Variants in ARHGEF3 observed in about 807,000 individuals in gnomAD.
ARHGEF3 encodes Rho guanine nucleotide exchange factor 3, also known as 59.8 kDA protein.
A neutral mutation model predicts 63.2 loss-of-function variants in ARHGEF3; 28 were observed. The observed-to-expected ratio is 0.44, with a 90% CI of 0.33 to 0.61. ARHGEF3 has a LOEUF of 0.61. ARHGEF3 is among the 20% of genes least tolerant of loss of function. The probability of loss-of-function intolerance (pLI) is 0.03; values close to 1 mark genes in which losing one functional copy is unlikely to be tolerated. For synonymous variants in ARHGEF3, 266 were observed against 254.2 expected, an observed-to-expected ratio of 1.05 and a Z score of -0.44; for missense variants, 533 against 659.3, an observed-to-expected ratio of 0.81 and a Z score of 2.10.
chr3:57,019,825 ATCTTT>A (rs1489794775), intron 2 of ARHGEF3, among the ~76,000 whole-genome samples: 2 of 152,136 alleles, frequency 1.3e-5, no homozygotes, highest in Admixed American at 1.3e-4. Flanking sequence ...GCTTGGGGAA[ATCTTT>A]TCTTTAATAA....
intron 2 of ARHGEF3, among the ~76,000 whole-genome samples, chr3:56,994,523 C>A (rs1050755500): frequency 6.6e-6 from 1 of 151,458 alleles, no homozygotes; most frequent in Non-Finnish European, 1.5e-5. Flanking sequence ...AGAGTTTCAA[C>A]AGCCCTCTTG....
intron 2 of ARHGEF3, among the ~76,000 whole-genome samples, chr3:57,029,180 C>T (rs1703618877): frequency 6.6e-6 from 1 of 152,194 alleles, no homozygotes; most frequent in Non-Finnish European, 1.5e-5. Flanking sequence ...CCTGCAATCC[C>T]ACTACTTTGG....
intron 2 of ARHGEF3, among the ~76,000 whole-genome samples, chr3:57,012,282 G>T (rs1702735538): frequency 6.6e-6 from 1 of 152,088 alleles, no homozygotes; most frequent in South Asian, 2.1e-4. Context: ...GTTGTTTTGA[G>T]ACAGGGTCTC....
At chr3:56,786,328 A>T (rs10428123) in intron 1 of ARHGEF3, among the ~76,000 whole-genome samples, 31,372 of 152,138 alleles carry the variant, frequency 0.21, 5,065 homozygotes, top group African/African-American at 0.46. Flanking sequence ...GATAAATAAG[A>T]TACAAAGCAT....
In ARHGEF3 at chr3:56,995,620, C is replaced by CGAGAGAGAGAGAGAGA. The variant is rs66778716; in HGVS notation, c.63-36747_63-36732dup. On this transcript the variant is annotated intron_variant, in intron 2 of 12. Transcript: ENST00000338458. ...AGGGGGCAAAAGAGAGTAAATTTTC[C>CGAGAGAGAGAGAGAGA]GAGAGAGAGAGAGAGAGAGAGAGAG... is the stretch of plus-strand genomic sequence containing the variant. Among the ~76,000 whole-genome samples the CGAGAGAGAGAGAGAGA allele has an allele frequency of 2.9e-3, 332 of 113,168 alleles. 4 individuals carry two copies. The highest frequency in any genetic ancestry group is 3.9e-3 in the South Asian group (13 of 3,318). 74.2% of individuals were successfully genotyped at this position (113,168 alleles called of 152,430 possible).
intron 2 of ARHGEF3, among the ~76,000 whole-genome samples, chr3:56,996,264 C>T (rs1397751060): frequency 6.6e-6 from 1 of 152,174 alleles, no homozygotes; most frequent in Non-Finnish European, 1.5e-5. Flanking sequence ...ACCCCCTCCT[C>T]TCCTGTCTAT....
At chr3:56,775,891 C>T (rs1339948607) in intron 1 of ARHGEF3, among the ~76,000 whole-genome samples, 3 of 152,130 alleles carry the variant, frequency 2.0e-5, no homozygotes, top group Admixed American at 1.3e-4. Flanking sequence ...AGGTTGGTGG[C>T]ACAAACTGCA....
chr3:56,750,927 T>G, intron 6 of ARHGEF3, 129 bp downstream of exon 6: 1 of 595,270 alleles, frequency 1.7e-6, no homozygotes. Context: ...TTACTAGGAT[T>G]TTTTTTTCTG....
intron 4 of ARHGEF3, among the ~76,000 whole-genome samples, chr3:56,864,886 A>G (rs1348564360): frequency 6.6e-6 from 1 of 152,088 alleles, no homozygotes. Flanking sequence ...TACTCAGCAA[A>G]TGTCACCCTT....
intron 2 of ARHGEF3, chr3:56,977,335 T>C (rs1455734400): frequency 2.2e-6 from 1 of 456,434 alleles, no homozygotes; most frequent in Non-Finnish European, 4.4e-6. Flanking sequence ...CCCCATTCTC[T>C]TGGGCCCCTC....
intron 2 of ARHGEF3, among the ~76,000 whole-genome samples, chr3:56,761,115 GAATAAT>G (rs150038175): frequency 6.6e-6 from 1 of 152,078 alleles, no homozygotes; most frequent in Non-Finnish European, 1.5e-5. Flanking sequence ...CTATAAAAAA[GAATAAT>G]AATAAAAGAA....
chr3:56,927,156 T>C (rs2042296305), intron 3 of ARHGEF3, among the ~76,000 whole-genome samples: 2 of 152,236 alleles, frequency 1.3e-5, no homozygotes, highest in Non-Finnish European at 2.9e-5. Flanking sequence ...CCTGTGCCTC[T>C]GTTTCCTCCT....
chr3:56,838,139 C>T (rs896150122), intron 4 of ARHGEF3, among the ~76,000 whole-genome samples: 1 of 152,260 alleles, frequency 6.6e-6, no homozygotes. Flanking sequence ...CATTATGTAG[C>T]CTTTAACAAT....
chr3:56,947,104 C>G (rs976429576), intron 3 of ARHGEF3, among the ~76,000 whole-genome samples: 1 of 152,160 alleles, frequency 6.6e-6, no homozygotes, highest in Non-Finnish European at 1.5e-5. Flanking sequence ...ACCAGGCCTG[C>G]CCTAAAACAG....
intron 1 of ARHGEF3, among the ~76,000 whole-genome samples, chr3:57,042,679 TATATATATATATA>T (rs1415912684): frequency 0.022 from 1,011 of 46,878 alleles, 87 homozygotes; most frequent in Non-Finnish European, 0.028. Context: ...TATATATATA[TATATATATATATA>T]TATATATATT....
At chr3:56,859,944 T>C (rs570309614) in intron 4 of ARHGEF3, among the ~76,000 whole-genome samples, 30 of 151,926 alleles carry the variant, frequency 2.0e-4, no homozygotes, top group African/African-American at 6.7e-4. Context: ...GTGGATTGCC[T>C]GAGCTCAGGA....
At chr3:56,876,647 C>T (rs1296870354) in intron 4 of ARHGEF3, among the ~76,000 whole-genome samples, 1 of 151,914 alleles carries the variant, frequency 6.6e-6, no homozygotes, top group Non-Finnish European at 1.5e-5. Context: ...GGAGATTAAA[C>T]AGGGCTCATC....
intron 1 of ARHGEF3, chr3:56,774,956 T>C: frequency 7.3e-7 from 1 of 1,378,224 alleles, no homozygotes; most frequent in South Asian, 1.5e-5. Flanking sequence ...GGGAAGAGAA[T>C]GATGATAGAC....
chr3:56,839,864 T>C (rs1387476881), intron 4 of ARHGEF3, among the ~76,000 whole-genome samples: 1 of 151,992 alleles, frequency 6.6e-6, no homozygotes, highest in Admixed American at 6.6e-5. Context: ...GAGGGTCTGG[T>C]CCCTAGGTCT....
Sources: gnomAD v4.1 joint callset for allele counts (sites outside exome capture counted in the v4.1 genomes callset) on GRCh38, gnomAD v4.1.1 for gene constraint, MANE v1.5 for transcripts, NCBI Gene and HGNC (gene_info 2026-07-23, HGNC 2026-07-21) for gene names.